Variants in OXR1 observed in about 807,000 individuals in gnomAD.
The protein encoded by OXR1 is oxidation resistance protein 1.
A neutral mutation model predicts 104.6 loss-of-function variants in OXR1; 41 were observed. The observed-to-expected ratio is 0.39, with a 90% CI of 0.31 to 0.51. OXR1 has a LOEUF of 0.51. Among genes scored for constraint, OXR1 ranks in the 20% least tolerant of loss-of-function variants. OXR1 has a pLI of 0.77. For synonymous variants in OXR1, 348 were observed against 348.4 expected, an observed-to-expected ratio of 1.00 and a Z score of 0.01; for missense variants, 955 against 1,031.9, an observed-to-expected ratio of 0.93 and a Z score of 1.02.
At chr8:106,622,046 A>G (rs1337198888) in intron 3 of OXR1, among the ~76,000 whole-genome samples, 2 of 152,166 alleles carry the variant, frequency 1.3e-5, no homozygotes, top group Admixed American at 1.3e-4. Flanking sequence ...TATTATTCAT[A>G]TATTAAACTA....
intron 2 of OXR1, among the ~76,000 whole-genome samples, chr8:106,492,859 A>G (rs1466202082): frequency 6.6e-6 from 1 of 152,198 alleles, no homozygotes; most frequent in East Asian, 1.9e-4. Flanking sequence ...TCACCAGTCC[A>G]GAATCCTAAA....
chr8:106,325,075 A>T (rs1368778585), intron 1 of OXR1, among the ~76,000 whole-genome samples: 1 of 152,240 alleles, frequency 6.6e-6, no homozygotes, highest in East Asian at 1.9e-4. Context: ...GTAAGTGGAT[A>T]GCAGGACCTT....
intron 3 of OXR1, among the ~76,000 whole-genome samples, chr8:106,655,774 A>G (rs536796974): frequency 2.0e-5 from 3 of 152,340 alleles, no homozygotes; most frequent in South Asian, 2.1e-4. Flanking sequence ...ATTACGACTC[A>G]GCCGAGTTTA....
chr8:106,270,628 CGCGGCGAGGGAGGAGACCGG>C (rs1306560931), intron 1 of OXR1, among the ~76,000 whole-genome samples: 42 of 151,238 alleles, frequency 2.8e-4, no homozygotes, highest in South Asian at 4.2e-4. Flanking sequence ...GGAAAGACCG[CGCGGCGAGGGAGGAGACCGG>C]GCGGCGAGGG....
At chr8:106,320,941 G>A (rs1814191034) in intron 1 of OXR1, among the ~76,000 whole-genome samples, 1 of 152,122 alleles carries the variant, frequency 6.6e-6, no homozygotes, top group Non-Finnish European at 1.5e-5. Flanking sequence ...CAAAGTGCTG[G>A]GATTACAGGC....
At chr8:106,274,236 C>T (rs77805331) in intron 1 of OXR1, among the ~76,000 whole-genome samples, 27 of 152,264 alleles carry the variant, frequency 1.8e-4, no homozygotes, top group Admixed American at 1.1e-3. Context: ...TAGCACAATA[C>T]GTTGCCTAGA....
chr8:106,338,430 GC>G, intron 1 of OXR1, among the ~76,000 whole-genome samples: 1 of 151,858 alleles, frequency 6.6e-6, no homozygotes, highest in Non-Finnish European at 1.5e-5. Flanking sequence ...GGGTGTGGTG[GC>G]CCACACCTGT....
At chr8:106,448,424 G>T (rs1015004810) in intron 2 of OXR1, among the ~76,000 whole-genome samples, 3 of 151,976 alleles carry the variant, frequency 2.0e-5, no homozygotes, top group Non-Finnish European at 4.4e-5. Context: ...GGTGTAAGCG[G>T]TTTTAAATGG....
intron 2 of OXR1, among the ~76,000 whole-genome samples, chr8:106,431,541 A>G (rs975922799): frequency 1.3e-5 from 2 of 152,196 alleles, no homozygotes; most frequent in African/African-American, 2.4e-5. Context: ...TAACTCTGCC[A>G]TCATGCTTCA....
At position 106,679,310 on chromosome 8, in the gene OXR1, GA is replaced by G; in HGVS notation, c.303+23del. 7.3e-7 allele frequency: 1 copy of G among 1,369,970 alleles called. No individual in the cohort carries two copies. The highest frequency in any genetic ancestry group is 1.0e-6 in the Non-Finnish European group (1 of 983,738). The allele number at this position is 1,369,970 out of a possible 1,614,324, so 84.9% of individuals were successfully genotyped here. On this transcript the variant is annotated intron_variant, in intron 4 of 16. Coordinates refer to ENST00000517566, the MANE Select transcript of OXR1 (RefSeq NM_001198533.2). Reference sequence around the variant, plus strand: ...AGTATACTGTAAGTTATTTGCTTTCGAAAAAGCTATTTTTCTTTGTAAGAGT... The same window carrying G: ...AGTATACTGTAAGTTATTTGCTTTCGAAAAGCTATTTTTCTTTGTAAGAGT...
chr8:106,734,617 G>A (rs1199577646), intron 11 of OXR1, among the ~76,000 whole-genome samples: 4 of 152,184 alleles, frequency 2.6e-5, no homozygotes, highest in South Asian at 4.1e-4. Context: ...AGAGATGAAC[G>A]TGTTCTTAAT....
chr8:106,702,973 C>T lies in OXR1; in HGVS notation c.743C>T (p.Pro248Leu). 1.9e-6 allele frequency: 3 copies of T among 1,613,566 alleles called. No homozygotes were observed. The highest frequency in any genetic ancestry group is 2.5e-6 in the Non-Finnish European group (3 of 1,179,590). The stretch of plus-strand genomic sequence containing the variant: ...ATGTTTGATCCACATAAAAATGACC[C>T]TTTGGTTCAAGAGAATGGCTGTGAG... ...NIMFDPHKND[P>L]LVQENGCEEY... The change falls in exon 8 of 17, where the codon CCT becomes CTT. Residue 248 changes from proline (P) to leucine (L), a missense_variant. Pro to Leu is a moderately conservative substitution (Grantham distance 98). This residue lies in a region of OXR1 where 849 missense variants were observed against 852.9 expected (regional missense o/e 1.00). Transcript: ENST00000517566.
At chr8:106,486,595 T>C (rs1479003382) in intron 2 of OXR1, among the ~76,000 whole-genome samples, 1 of 152,134 alleles carries the variant, frequency 6.6e-6, no homozygotes, top group Non-Finnish European at 1.5e-5. Flanking sequence ...AGTATTTCAA[T>C]TACATAAGTA....
intron 1 of OXR1, among the ~76,000 whole-genome samples, chr8:106,328,037 A>G (rs1442866425): frequency 1.3e-5 from 2 of 152,192 alleles, no homozygotes; most frequent in African/African-American, 4.8e-5. Context: ...TATTCAAATG[A>G]TATCACTAGG....
chr8:106,457,119 C>G lies in OXR1; in HGVS notation c.24-61824C>G, dbSNP rs558553095. On this transcript the variant is annotated intron_variant, in intron 2 of 16. Transcript: ENST00000517566. The stretch of plus-strand genomic sequence containing the variant: ...ACCTCCAATGTGCCAGTCAGTGTGC[C>G]AATCACTGTGCTAGGTACTGGGATT... 7.9e-5 allele frequency among the ~76,000 whole-genome samples: 12 copies of G among 152,238 alleles called. No individual in the cohort carries two copies. The East Asian group carries it at 2.3e-3, about 29-fold the overall frequency.
chr8:106,504,727 A>T (rs368336615), intron 2 of OXR1, among the ~76,000 whole-genome samples: 2 of 152,198 alleles, frequency 1.3e-5, no homozygotes, highest in African/African-American at 4.8e-5. Flanking sequence ...TTTGATGATG[A>T]TTGACTAAAT....
chr8:106,438,611 C>A (rs1184353315), intron 2 of OXR1, among the ~76,000 whole-genome samples: 1 of 152,072 alleles, frequency 6.6e-6, no homozygotes, highest in Non-Finnish European at 1.5e-5. Flanking sequence ...CTCTGATATT[C>A]ATTTTTATCA....
chr8:106,361,170 C>A (rs1376670770), intron 2 of OXR1, among the ~76,000 whole-genome samples: 1 of 152,162 alleles, frequency 6.6e-6, no homozygotes, highest in Admixed American at 6.6e-5. Flanking sequence ...AGTAGATATT[C>A]TGTAAGTGCA....
At chr8:106,715,671 G>A (rs1420048070) in intron 11 of OXR1, among the ~76,000 whole-genome samples, 1 of 152,022 alleles carries the variant, frequency 6.6e-6, no homozygotes, top group Non-Finnish European at 1.5e-5. Context: ...TCCAGCTTGG[G>A]TGGCACGGTG....
Sources: gnomAD v4.1 joint callset for allele counts (sites outside exome capture counted in the v4.1 genomes callset) on GRCh38, gnomAD v4.1.1 for gene constraint, gnomAD v4.1.1 regional missense constraint, MANE v1.5 for transcripts, NCBI Gene and HGNC (gene_info 2026-07-23, HGNC 2026-07-21) for gene names.